PSD4: variants seen among roughly 807,000 people sequenced by gnomAD.
The protein encoded by PSD4 is pleckstrin and Sec7 domain containing 4.
In PSD4, 59 loss-of-function variants were observed where a neutral mutation model predicts 112.5. The ratio of observed to expected loss-of-function variants is 0.52; its 90% confidence interval spans 0.43 to 0.65. PSD4 has a LOEUF of 0.65. Ranked by LOEUF, PSD4 falls within the 30% of genes least tolerant of loss-of-function variation. The pLI is 0.00. For missense variants in PSD4, 1,267 were observed against 1,352.6 expected (o/e 0.94, Z 0.99); for synonymous variants, 533 against 540.0 (o/e 0.99, Z 0.18).
chr2:113,186,563 C>T (rs1342731024), intron 5 of PSD4, among the ~76,000 whole-genome samples: 3 of 152,186 alleles, frequency 2.0e-5, no homozygotes, highest in African/African-American at 7.2e-5. Context: ...TCCAGGGAAC[C>T]TGAGCAAGGG....
intron 5 of PSD4, among the ~76,000 whole-genome samples, chr2:113,190,984 C>G (rs1688427867): frequency 6.6e-6 from 1 of 152,306 alleles, no homozygotes; most frequent in East Asian, 1.9e-4. Flanking sequence ...TTAGTTACTT[C>G]TATTTTGGGT....
rs1490825923 is a variant in PSD4, at chr2:113,198,901, G to C, written c.2769+17G>C. On this transcript the variant is annotated intron_variant, in intron 15 of 16. Transcript: ENST00000245796. Reference sequence around the variant, plus strand: ...AGCTCCCTGGTACGGCCTCCGGGAAGGGGTGGGGTCCGGCGGAACTGGGAA... The same window carrying C: ...AGCTCCCTGGTACGGCCTCCGGGAACGGGTGGGGTCCGGCGGAACTGGGAA... The C allele has an allele frequency of 2.6e-6, 4 of 1,567,058 alleles. No homozygotes were observed. In the African/African-American group the frequency reaches 5.4e-5, roughly 21 times the overall value.
chr2:113,199,005 G>A (rs1381143049), intron 15 of PSD4, 78 bp from the exon 16 acceptor site: 2 of 1,512,198 alleles, frequency 1.3e-6, no homozygotes, highest in Non-Finnish European at 1.8e-6. Context: ...GAGGCGGCCA[G>A]GGGGGCGGCG....
In PSD4 at chr2:113,208,010, C is replaced by G. The variant is rs1465772660; in HGVS notation, c.*6595C>G. 1 of 152,254 alleles carries G rather than the reference C, an allele frequency of 6.6e-6. No individual in the cohort carries two copies. Among genetic ancestry groups the G allele is most frequent in the Non-Finnish European group, 1.5e-5 (1 of 68,082 alleles). 9.4% of individuals were successfully genotyped at this position (152,254 alleles called of 1,614,324 possible). ...TCAAGCAATTCTCCTTCCTCAGCCT[C>G]CTGAGTAGCTGGGATTACAGGCATG... is the stretch of plus-strand genomic sequence containing the variant. On this transcript the variant is annotated 3_prime_UTR_variant, in exon 17 of 17. Coordinates refer to ENST00000245796, the MANE Select transcript of PSD4 (RefSeq NM_012455.3).
intron 1 of PSD4, among the ~76,000 whole-genome samples, chr2:113,175,095 G>C (rs1388520180): frequency 6.6e-6 from 1 of 152,114 alleles, no homozygotes; most frequent in African/African-American, 2.4e-5. Flanking sequence ...GGGGAAGGGG[G>C]AGAGACCCAC....
At chr2:113,180,799 T>G (rs1023561540) in intron 1 of PSD4, among the ~76,000 whole-genome samples, 1 of 152,190 alleles carries the variant, frequency 6.6e-6, no homozygotes, top group African/African-American at 2.4e-5. Flanking sequence ...GGTTATAAAC[T>G]GGGAGCATGT....
In PSD4 at chr2:113,199,015, G is replaced by A. The variant is rs1206498502; in HGVS notation, c.2770-68G>A. 12 of 1,509,750 alleles carry A rather than the reference G, an allele frequency of 7.9e-6. No individual in the cohort carries two copies. In the East Asian group the frequency reaches 3.1e-4, roughly 39 times the overall value. The allele number at this position is 1,509,750 out of a possible 1,614,324, so 93.5% of individuals were successfully genotyped here. Reference sequence around the variant, plus strand: ...GAACCGAGGCGGCCAGGGGGGCGGCGCGCCCGGGCCCGGAAAGCGGCGGAG... The same window carrying A: ...GAACCGAGGCGGCCAGGGGGGCGGCACGCCCGGGCCCGGAAAGCGGCGGAG... On this transcript the variant is annotated intron_variant, in intron 15 of 16. Transcript: ENST00000245796.
At chr2:113,189,350 A>AGT (rs1254748916) in intron 5 of PSD4, among the ~76,000 whole-genome samples, 456 of 120,830 alleles carry the variant, frequency 3.8e-3, no homozygotes, top group African/African-American at 0.013. Context: ...AATATATAAT[A>AGT]GTATATATAT....
chr2:113,174,516 A>G (rs905027853), intron 1 of PSD4, among the ~76,000 whole-genome samples: 31 of 151,778 alleles, frequency 2.0e-4, no homozygotes, highest in African/African-American at 7.3e-4. Context: ...CTCTGGAGAG[A>G]GGGAGTCTGG....
At position 113,204,850 on chromosome 2, in the gene PSD4, A is replaced by T. The variant is rs1359358928; in HGVS notation, c.*3435A>T. On this transcript the variant is annotated 3_prime_UTR_variant, in exon 17 of 17. Coordinates refer to ENST00000245796, the MANE Select transcript of PSD4 (RefSeq NM_012455.3). ...ATGTGTCGGGGTTGGAAGGAGCAGG[A>T]CTGGAGGGTCGGGGTGAGGGGGGCA... The T allele has an allele frequency of 6.6e-6, 1 of 152,236 alleles. No individual in the cohort carries two copies. Among genetic ancestry groups the T allele is most frequent in the Non-Finnish European group, 1.5e-5 (1 of 68,122 alleles). 9.4% of individuals were successfully genotyped at this position (152,236 alleles called of 1,614,324 possible).
At chr2:113,175,809 C>T (rs1304353301) in intron 1 of PSD4, among the ~76,000 whole-genome samples, 3 of 152,172 alleles carry the variant, frequency 2.0e-5, no homozygotes, top group African/African-American at 7.2e-5. Context: ...ATTTTGGCTT[C>T]TCTAAATGGA....
chr2:113,193,696 G>A (rs1344933793), intron 9 of PSD4, 46 bp downstream of exon 9: 3 of 1,591,762 alleles, frequency 1.9e-6, no homozygotes, highest in Non-Finnish European at 2.6e-6. Context: ...GCTGTAACAA[G>A]GGGTGCGGGG....
rs45530031 is a variant in PSD4 at position 113,188,155 on chromosome 2, G to A, written c.1628+1900G>A. On this transcript the variant is annotated intron_variant, in intron 5 of 16. Coordinates refer to ENST00000245796, the MANE Select transcript of PSD4 (RefSeq NM_012455.3). ...CTTTTAAAAATGACCTAGTCAATTA[G>A]TGTTGTTACTAAAATAATACTTAGA... Among the ~76,000 whole-genome samples the A allele has an allele frequency of 3.0e-3, 462 of 152,208 alleles. 1 individual carries two copies. Among genetic ancestry groups the A allele is most frequent in the African/African-American group, 0.01 (429 of 41,508 alleles).
At chr2:113,176,403 T>C (rs1178752172) in intron 1 of PSD4, among the ~76,000 whole-genome samples, 1 of 152,196 alleles carries the variant, frequency 6.6e-6, no homozygotes, top group Non-Finnish European at 1.5e-5. Context: ...GCCCTTGCAG[T>C]ATTCTCCATG....
intron 1 of PSD4, among the ~76,000 whole-genome samples, chr2:113,177,346 T>C (rs1188010968): frequency 6.6e-6 from 1 of 152,238 alleles, no homozygotes; most frequent in Non-Finnish European, 1.5e-5. Context: ...ATCCCATCAG[T>C]GTGTCTCTCC....
rs1264380707 is a variant in PSD4, at chr2:113,182,535, C to T, written c.79C>T (p.Pro27Ser). The change falls in exon 2 of 17, where the codon CCC becomes TCC. Residue 27 changes from proline to serine, a missense_variant. Physicochemically the swap from Pro to Ser is moderately conservative, Grantham distance 74. Around this residue, in one of 2 missense-constraint regions of PSD4, gnomAD observed 723 missense variants for 704.0 expected, o/e 1.03. Coordinates refer to ENST00000245796, the MANE Select transcript of PSD4 (RefSeq NM_012455.3). ...LNLYLGDSLEPHPGECPRETC... is the reference protein window; with the variant it reads ...LNLYLGDSLESHPGECPRETC... ...CCTGTACTTGGGAGACAGCCTGGAG[C>T]CCCACCCAGGAGAGTGCCCAAGGGA... 1.2e-6 allele frequency: 2 copies of T among 1,614,052 alleles called. No individual in the cohort carries two copies. Among genetic ancestry groups the T allele is most frequent in the African/African-American group, 2.7e-5 (2 of 74,928 alleles).
intron 12 of PSD4, chr2:113,196,640 G>C (rs1352412971): frequency 4.4e-6 from 1 of 226,620 alleles, no homozygotes; most frequent in Admixed American, 5.2e-5. Flanking sequence ...CAAGTGAGGA[G>C]AAAAAGGTTT....
intron 1 of PSD4, among the ~76,000 whole-genome samples, chr2:113,176,991 G>T (rs1408069907): frequency 1.3e-5 from 2 of 152,214 alleles, no homozygotes; most frequent in Non-Finnish European, 2.9e-5. Context: ...TTAAAAAACA[G>T]AAGGAAGACA....
intron 14 of PSD4, among the ~76,000 whole-genome samples, chr2:113,198,351 A>C (rs1688670130): frequency 6.6e-6 from 1 of 152,190 alleles, no homozygotes; most frequent in Non-Finnish European, 1.5e-5. Context: ...GGCTCACTGC[A>C]ACCGCCGCCT....
Sources: gnomAD v4.1 joint callset for allele counts (sites outside exome capture counted in the v4.1 genomes callset) on GRCh38, gnomAD v4.1.1 for gene constraint, gnomAD v4.1.1 regional missense constraint, MANE v1.5 for transcripts, NCBI Gene and HGNC (gene_info 2026-07-23, HGNC 2026-07-21) for gene names.